ZNF106: variants seen among roughly 807,000 people sequenced by gnomAD.
ZNF106 encodes SH3-domain binding protein 3.
ZNF106 carries 67 observed loss-of-function variants against 195.1 expected under a neutral mutation model. The observed-to-expected ratio is 0.34, with a 90% CI of 0.28 to 0.42. The LOEUF (loss-of-function observed/expected upper bound fraction) is 0.42. ZNF106 is among the 10% of genes least tolerant of loss of function. ZNF106 has a pLI of 1.00. For synonymous variants in ZNF106, 784 were observed against 818.6 expected (o/e 0.96, Z 0.72); for missense variants, 2,118 against 2,304.5 (o/e 0.92, Z 1.66).
chr15:42,450,287 G>C lies in ZNF106; in HGVS notation c.1985C>G (p.Ser662Cys). Reference protein sequence around the residue: ...DRILKTSRELSTSPCNPIVRQ... With the variant: ...DRILKTSRELCTSPCNPIVRQ... ...AACTATGGGATTACATGGGGAAGTG[G>C]ATAGCTCTCTAGAAGTCTTCAGGAT... The change falls in exon 5 of 22, where the codon TCC (serine) becomes TGC (cysteine). Residue 662 changes from serine to cysteine, a missense_variant. By Grantham distance (112) the Ser-to-Cys change is moderately radical. Transcript: ENST00000564754. 2 of 1,614,138 alleles carry C rather than the reference G, an allele frequency of 1.2e-6. No individual in the cohort carries two copies. The highest frequency in any genetic ancestry group is 1.1e-5 in the South Asian group (1 of 91,084).
In ZNF106 at chr15:42,448,126, A is replaced by C; in HGVS notation, c.3081T>G (p.Ser1027=). The stretch of plus-strand genomic sequence containing the variant: ...TTTGGCCATCATTTTGTTCAGCACC[A>C]GAGGTACAGCTACTATCTGTGGCTG... The part of the protein sequence containing the change: ...ADAATDSSCT[S]GAEQNDGQSI... The change falls in exon 6 of 22, where the codon TCT becomes TCG. Residue 1027 remains serine, a synonymous_variant. Coordinates refer to ENST00000564754, the MANE Select transcript of ZNF106 (RefSeq NM_001366845.3). 6.2e-7 allele frequency: 1 copy of C among 1,614,170 alleles called. No homozygotes were observed. Among genetic ancestry groups the C allele is most frequent in the Non-Finnish European group, 8.5e-7 (1 of 1,180,004 alleles).
intron 16 of ZNF106, chr15:42,424,347 ATT>A: frequency 2.8e-6 from 1 of 356,500 alleles, no homozygotes; most frequent in East Asian, 4.6e-5. Flanking sequence ...AAATACACTC[ATT>A]GTTTCTCAAA....
At chr15:42,487,561 G>A (rs184484543) in intron 1 of ZNF106, among the ~76,000 whole-genome samples, 3 of 136,288 alleles carry the variant, frequency 2.2e-5, no homozygotes, top group South Asian at 2.6e-4. Flanking sequence ...CCTAGCCACC[G>A]CCACTTCCAG....
chr15:42,435,314 C>T (rs2055231851), intron 14 of ZNF106, 70 bp downstream of exon 14: 6 of 1,594,564 alleles, frequency 3.8e-6, no homozygotes, highest in Middle Eastern at 3.3e-4. Context: ...GCCACAGTGT[C>T]TCCACTCCAC....
rs1258225707 is a variant in ZNF106, at chr15:42,451,168, C to T, written c.1104G>A (p.Lys368=). 2 of 1,614,168 alleles carry T rather than the reference C, an allele frequency of 1.2e-6. No homozygotes were observed. The highest frequency in any genetic ancestry group is 3.3e-5 in the Admixed American group (2 of 60,010). ...SGKNGSAARE[K]PRRWTPYPSQ... ...AAGGGTAAGGCGTCCAGCGACGAGG[C>T]TTTTCCCTTGCCGCACTGCCATTCT... The change falls in exon 5 of 22, where the codon AAG becomes AAA. Residue 368 remains lysine, a synonymous_variant. Coordinates refer to ENST00000564754, the MANE Select transcript of ZNF106 (RefSeq NM_001366845.3).
chr15:42,431,627 A>G (rs931779825), intron 14 of ZNF106, among the ~76,000 whole-genome samples: 3 of 151,748 alleles, frequency 2.0e-5, no homozygotes, highest in African/African-American at 7.3e-5. Context: ...TTTCAGACGC[A>G]CCACACCCAG....
intron 3 of ZNF106, among the ~76,000 whole-genome samples, chr15:42,462,951 T>G (rs116113175): frequency 7.3e-6 from 1 of 137,670 alleles, no homozygotes; most frequent in African/African-American, 3.2e-5. Flanking sequence ...CCTGGCTTTT[T>G]TTTGTTTTGT....
intron 14 of ZNF106, among the ~76,000 whole-genome samples, chr15:42,430,087 A>C (rs1408191733): frequency 6.6e-6 from 1 of 152,078 alleles, no homozygotes; most frequent in Non-Finnish European, 1.5e-5. Flanking sequence ...ATCAAGCTGT[A>C]TACTTAAAAT....
intron 5 of ZNF106, among the ~76,000 whole-genome samples, chr15:42,449,296 A>C (rs2055893885): frequency 6.6e-6 from 1 of 152,194 alleles, no homozygotes; most frequent in Non-Finnish European, 1.5e-5. Context: ...GCTTAAGAGA[A>C]AGCATGTTGT....
chr15:42,457,204 A>G, intron 3 of ZNF106, 46 bp from the exon 4 acceptor site: 2 of 1,613,932 alleles, frequency 1.2e-6, no homozygotes, highest in South Asian at 2.2e-5. Flanking sequence ...CCCCACTGGC[A>G]TGGCACACTC....
chr15:42,423,634 T>C (rs1451388322), intron 17 of ZNF106, among the ~76,000 whole-genome samples: 1 of 152,186 alleles, frequency 6.6e-6, no homozygotes, highest in Non-Finnish European at 1.5e-5. Flanking sequence ...CACCTCAGCC[T>C]TCTGAGTAGC....
Position 42,457,612 on chromosome 15 carries a change from AG to A in ZNF106, c.117-455del, listed in dbSNP as rs1049662498. On this transcript the variant is annotated intron_variant, in intron 3 of 21. Transcript: ENST00000564754. ...GTGAAAGTTAAGGGGTGGAAACAAG[AG>A]TAGGTGGCGCAGCCAATCCCAAGTC... 3.2e-5 allele frequency: 29 copies of A among 892,730 alleles called. No homozygotes were observed. In the African/African-American group the frequency reaches 5.1e-4, roughly 16 times the overall value. The allele number at this position is 892,730 out of a possible 1,614,324, so 55.3% of individuals were successfully genotyped here. A position where few individuals can be genotyped will look rare whatever the true frequency, so the allele number is the denominator to read the frequency against.
intron 12 of ZNF106, 136 bp downstream of exon 12, chr15:42,438,475 AG>A: frequency 1.4e-6 from 1 of 726,512 alleles, no homozygotes; most frequent in East Asian, 2.7e-5. Flanking sequence ...CTGTTGATCA[AG>A]GCAATCCTCT....
At chr15:42,461,887 C>T (rs973843291) in intron 3 of ZNF106, among the ~76,000 whole-genome samples, 3 of 152,080 alleles carry the variant, frequency 2.0e-5, no homozygotes, top group Non-Finnish European at 4.4e-5. Flanking sequence ...TGGTGAAGAC[C>T]GTCCTTACAG....
At chr15:42,445,594 C>G (rs2055743643) in intron 7 of ZNF106, among the ~76,000 whole-genome samples, 1 of 152,206 alleles carries the variant, frequency 6.6e-6, no homozygotes, top group African/African-American at 2.4e-5. Flanking sequence ...CAACTACTGA[C>G]TATGATATTT....
At chr15:42,425,674 G>A (rs1301495197) in intron 15 of ZNF106, 2 of 152,170 alleles carry the variant, frequency 1.3e-5, no homozygotes, top group Non-Finnish European at 2.9e-5. Flanking sequence ...GCTAATTTTT[G>A]TATTTTTGTA....
At position 42,451,447 on chromosome 15, in the gene ZNF106, A is replaced by G; in HGVS notation, c.825T>C (p.Ser275=). Residue 275 remains serine, a synonymous_variant, in exon 5 of 22, where the codon TCT becomes TCC. Transcript: ENST00000564754. ...TAGTCATGTCTTCCATTTGACAGTT[A>G]GAATTTCTGTTTCTGCCTGGTTGAA... ...DKFQPGRNRN[S]NCQMEDMTML... 6.2e-7 allele frequency: 1 copy of G among 1,614,240 alleles called. No individual in the cohort carries two copies. Among genetic ancestry groups the G allele is most frequent in the Non-Finnish European group, 8.5e-7 (1 of 1,180,042 alleles).
intron 12 of ZNF106, 86 bp downstream of exon 12, chr15:42,438,526 T>C: frequency 1.7e-6 from 2 of 1,191,926 alleles, no homozygotes; most frequent in East Asian, 2.5e-5. Context: ...TCTATAAATA[T>C]ATTTAAGTAG....
At chr15:42,446,813 C>T (rs887838307) in intron 6 of ZNF106, among the ~76,000 whole-genome samples, 155 bp from the exon 7 acceptor site, 6 of 152,054 alleles carry the variant, frequency 3.9e-5, no homozygotes, top group Non-Finnish European at 8.8e-5. Flanking sequence ...GTGGTACCAA[C>T]GCAAACTTTA....
Sources: allele counts gnomAD v4.1 joint callset (sites outside exome capture counted in the v4.1 genomes callset), GRCh38; gene constraint gnomAD v4.1.1; transcripts MANE v1.5; gene names NCBI Gene and HGNC (gene_info 2026-07-23, HGNC 2026-07-21).